The following NCAM2 variants were observed in gnomAD, a reference collection of about 807,000 sequenced individuals.
NCAM2 encodes the protein neural cell adhesion molecule 2, also known as N-CAM-2.
Under a neutral mutation model 98.1 loss-of-function variants are expected in NCAM2, and 30 were observed. That is an observed-to-expected ratio of 0.31 (90% CI 0.23 to 0.41). The LOEUF is 0.41. Ranked by LOEUF, NCAM2 falls within the 10% of genes least tolerant of loss-of-function variation. The probability of loss-of-function intolerance (pLI) is 1.00; values close to 1 mark genes in which losing one functional copy is unlikely to be tolerated. For missense variants in NCAM2, 867 were observed against 1,005.8 expected (o/e 0.86, Z 1.87); for synonymous variants, 368 against 342.4 (o/e 1.07, Z -0.83).
intron 8 of NCAM2, among the ~76,000 whole-genome samples, chr21:21,357,897 G>A (rs1047492669): frequency 2.0e-5 from 3 of 152,032 alleles, no homozygotes; most frequent in Admixed American, 6.6e-5. Context: ...GCAAATAATT[G>A]AAGGAACAAT....
In NCAM2 at chr21:21,353,318, C is replaced by T. The variant is rs61288131; in HGVS notation, c.1044+14784C>T. 3.6e-3 allele frequency among the ~76,000 whole-genome samples: 546 copies of T among 152,174 alleles called. 4 individuals carry two copies. Among genetic ancestry groups the T allele is most frequent in the African/African-American group, 0.012 (487 of 41,526 alleles). The stretch of plus-strand genomic sequence containing the variant: ...CCTTAGTTGTCAGAGATTGTGCTTC[C>T]GTATAGCTACAAAGTTTACTCTAAA... On this transcript the variant is annotated intron_variant, in intron 8 of 17. Coordinates refer to ENST00000400546, the MANE Select transcript of NCAM2 (RefSeq NM_004540.5).
chr21:21,521,419 C>A (rs891415241), intron 16 of NCAM2, among the ~76,000 whole-genome samples: 2 of 152,092 alleles, frequency 1.3e-5, no homozygotes, highest in Non-Finnish European at 2.9e-5. Flanking sequence ...GCAAAAAACA[C>A]AGTTTGAAGA....
chr21:21,348,741 T>C (rs774695500), intron 8 of NCAM2, among the ~76,000 whole-genome samples: 2 of 152,084 alleles, frequency 1.3e-5, no homozygotes, highest in Non-Finnish European at 2.9e-5. Flanking sequence ...CACAGATACA[T>C]AGACCCATGG....
intron 1 of NCAM2, among the ~76,000 whole-genome samples, chr21:21,105,082 T>C (rs1239488679): frequency 7.9e-5 from 12 of 152,130 alleles, no homozygotes; most frequent in Admixed American, 7.9e-4. Context: ...TTAGCTAAAT[T>C]TCTTCCAGAT....
At chr21:21,177,363 TTCA>T (rs2068328125) in intron 1 of NCAM2, among the ~76,000 whole-genome samples, 1 of 78 alleles carries the variant, frequency 0.013, no homozygotes, top group East Asian at 0.045. Context: ...TCCATATTTA[TTCA>T]TATCTTTAAA....
chr21:21,020,316 G>A (rs1322037338), intron 1 of NCAM2, among the ~76,000 whole-genome samples: 1 of 152,166 alleles, frequency 6.6e-6, no homozygotes. Context: ...GCTTACAGGC[G>A]TGAGCCACTG....
chr21:21,085,321 T>C (rs1416058192), intron 1 of NCAM2, among the ~76,000 whole-genome samples: 1 of 152,086 alleles, frequency 6.6e-6, no homozygotes, highest in African/African-American at 2.4e-5. Context: ...GCATGGCAAC[T>C]TGCCAGAGTG....
chr21:21,331,523 A>C (rs1287155935), intron 6 of NCAM2, among the ~76,000 whole-genome samples: 11 of 22,956 alleles, frequency 4.8e-4, no homozygotes, highest in East Asian at 3.1e-3. Context: ...CTCTCTATAT[A>C]TATATATATA....
At chr21:21,379,299 T>C (rs752253638) in intron 9 of NCAM2, among the ~76,000 whole-genome samples, 18 of 152,086 alleles carry the variant, frequency 1.2e-4, no homozygotes, top group Non-Finnish European at 2.4e-4. Context: ...TCCTTTCTTC[T>C]ATGTATTTTG....
chr21:21,093,685 A>G (rs2066060021), intron 1 of NCAM2, among the ~76,000 whole-genome samples: 1 of 151,960 alleles, frequency 6.6e-6, no homozygotes, highest in African/African-American at 2.4e-5. Context: ...GTGACTTCTC[A>G]TTAGTCTTGG....
At chr21:21,030,433 C>T (rs976226763) in intron 1 of NCAM2, among the ~76,000 whole-genome samples, 7 of 152,168 alleles carry the variant, frequency 4.6e-5, no homozygotes, top group Non-Finnish European at 8.8e-5. Context: ...AGTTTCCCTC[C>T]TCTTCTGTCA....
chr21:21,313,026 G>C (rs2074106036), intron 5 of NCAM2, among the ~76,000 whole-genome samples: 1 of 151,634 alleles, frequency 6.6e-6, no homozygotes. Flanking sequence ...ATGTTATCTG[G>C]ATTTTTTTAA....
chr21:21,017,275 A>C (rs2146168156), intron 1 of NCAM2, among the ~76,000 whole-genome samples: 1 of 151,918 alleles, frequency 6.6e-6, no homozygotes, highest in African/African-American at 2.4e-5. Context: ...AAATACAAAA[A>C]ATTAGCTGGG....
At position 21,538,504 on chromosome 21, in the gene NCAM2, G is replaced by A. The variant is rs1179600750; in HGVS notation, c.*547G>A. ...TTATCTTTAGCAGATATTAAAAATT[G>A]AAAACTTTGGAGAACTCATTTCAAG... On this transcript the variant is annotated 3_prime_UTR_variant, in exon 18 of 18. Coordinates refer to ENST00000400546, the MANE Select transcript of NCAM2 (RefSeq NM_004540.5). The A allele has an allele frequency of 2.0e-5, 3 of 152,524 alleles. No individual in the cohort carries two copies. The highest frequency in any genetic ancestry group is 7.2e-5 in the African/African-American group (3 of 41,444). The allele number at this position is 152,524 out of a possible 1,614,324, so 9.4% of individuals were successfully genotyped here. A position where few individuals can be genotyped will look rare whatever the true frequency, so the allele number is the denominator to read the frequency against.
intron 9 of NCAM2, among the ~76,000 whole-genome samples, chr21:21,389,869 G>A (rs1389197440): frequency 6.6e-6 from 1 of 151,942 alleles, no homozygotes; most frequent in Non-Finnish European, 1.5e-5. Context: ...TTATTATTAT[G>A]AGGCGGAGTC....
chr21:21,079,908 C>T (rs1168521625), intron 1 of NCAM2, among the ~76,000 whole-genome samples: 1 of 152,214 alleles, frequency 6.6e-6, no homozygotes, highest in Non-Finnish European at 1.5e-5. Context: ...TATCCATTTT[C>T]TGTTCCTTGT....
At chr21:21,264,654 C>CGT (rs1568853531) in intron 1 of NCAM2, among the ~76,000 whole-genome samples, 1 of 147,896 alleles carries the variant, frequency 6.8e-6, no homozygotes, top group Non-Finnish European at 1.5e-5. Flanking sequence ...TGTGTGTGTG[C>CGT]ATATATATAT....
intron 10 of NCAM2, among the ~76,000 whole-genome samples, chr21:21,414,173 A>C (rs369547685): frequency 6.6e-6 from 1 of 152,118 alleles, no homozygotes; most frequent in Non-Finnish European, 1.5e-5. Flanking sequence ...CAATTCATTC[A>C]CTTCTTCAGG....
intron 2 of NCAM2, 85 bp from the exon 3 acceptor site, chr21:21,284,109 A>C (rs959757151): frequency 8.9e-6 from 9 of 1,014,436 alleles, no homozygotes; most frequent in Non-Finnish European, 1.3e-5. Context: ...TAAATGGTTA[A>C]TATTATTACA....
Sources: gnomAD v4.1 joint callset for allele counts (sites outside exome capture counted in the v4.1 genomes callset) on GRCh38, gnomAD v4.1.1 for gene constraint, MANE v1.5 for transcripts, NCBI Gene and HGNC (gene_info 2026-07-23, HGNC 2026-07-21) for gene names.